The following SLIT3 variants were observed in gnomAD, a reference collection of about 807,000 sequenced individuals.
SLIT3 encodes the protein slit guidance ligand 3.
SLIT3 carries 68 observed loss-of-function variants against 184.0 expected under a neutral mutation model. The ratio of observed to expected loss-of-function variants is 0.37; its 90% CI spans 0.30 to 0.45. The LOEUF (loss-of-function observed/expected upper bound fraction) is 0.45, where lower values mean the gene tolerates loss of function less well. Among genes scored for constraint, SLIT3 ranks in the 20% least tolerant of loss-of-function variants. SLIT3 has a pLI of 1.00. For synonymous variants in SLIT3, 831 were observed against 828.6 expected, an observed-to-expected ratio of 1.00 and a Z score of -0.05; for missense variants, 1,707 against 2,026.0, an observed-to-expected ratio of 0.84 and a Z score of 3.02.
intron 4 of SLIT3, among the ~76,000 whole-genome samples, chr5:168,904,882 T>C (rs561440322): frequency 6.6e-6 from 1 of 152,192 alleles, no homozygotes; most frequent in South Asian, 2.1e-4. Flanking sequence ...GATGGTGATA[T>C]CCGGCTGGGT....
At chr5:168,797,469 T>C (rs561679846) in intron 9 of SLIT3, among the ~76,000 whole-genome samples, 1 of 152,340 alleles carries the variant, frequency 6.6e-6, no homozygotes, top group South Asian at 2.1e-4. Flanking sequence ...TGCAGGCCAA[T>C]GAGCCTATGC....
At chr5:169,111,330 T>A (rs1460377000) in intron 4 of SLIT3, among the ~76,000 whole-genome samples, 1 of 152,258 alleles carries the variant, frequency 6.6e-6, no homozygotes, top group East Asian at 1.9e-4. Context: ...AGCAAGCTTT[T>A]TCTGTAAATG....
At chr5:168,691,242 G>A (rs1215724631) in intron 29 of SLIT3, among the ~76,000 whole-genome samples, 1 of 152,214 alleles carries the variant, frequency 6.6e-6, no homozygotes, top group African/African-American at 2.4e-5. Context: ...GGGCTGGCTG[G>A]AGCAACAACT....
In SLIT3 at chr5:169,027,108, A is replaced by T. The variant is rs138279223; in HGVS notation, c.414-143772T>A. Among the ~76,000 whole-genome samples the T allele has an allele frequency of 4.2e-3, 635 of 152,308 alleles. 6 individuals are homozygous for T. The highest frequency in any genetic ancestry group is 0.015 in the African/African-American group (607 of 41,564). ...AAAAGAAAATTGAGGTGCCCATCCC[A>T]GATTGGTATAATATTGCTCAAGTTG... On this transcript the variant is annotated intron_variant, in intron 4 of 35. Coordinates refer to ENST00000519560, the MANE Select transcript of SLIT3 (RefSeq NM_003062.4).
At chr5:169,235,157 G>A (rs1438929965) in intron 3 of SLIT3, among the ~76,000 whole-genome samples, 1 of 152,020 alleles carries the variant, frequency 6.6e-6, no homozygotes, top group Non-Finnish European at 1.5e-5. Context: ...CCTATTATAA[G>A]TTTGTTAGAA....
chr5:169,074,505 T>G (rs1366231368), intron 4 of SLIT3, among the ~76,000 whole-genome samples: 1 of 152,176 alleles, frequency 6.6e-6, no homozygotes, highest in Non-Finnish European at 1.5e-5. Flanking sequence ...AATTAATAAC[T>G]CATGTATTCC....
chr5:169,228,078 T>C (rs1444016804), intron 3 of SLIT3, among the ~76,000 whole-genome samples: 1 of 152,210 alleles, frequency 6.6e-6, no homozygotes, highest in Non-Finnish European at 1.5e-5. Flanking sequence ...CCCTACTGAA[T>C]CAATTATAAA....
At chr5:168,739,765 T>G (rs1763563139) in intron 20 of SLIT3, among the ~76,000 whole-genome samples, 2 of 152,140 alleles carry the variant, frequency 1.3e-5, no homozygotes, top group South Asian at 2.1e-4. Context: ...TCAAATACAT[T>G]TCTGTGTGAA....
chr5:168,985,826 A>G (rs941482116), intron 4 of SLIT3, among the ~76,000 whole-genome samples: 15 of 151,942 alleles, frequency 9.9e-5, no homozygotes, highest in African/African-American at 3.6e-4. Flanking sequence ...AGAGAAGGAA[A>G]GGAGGGATGA....
chr5:169,161,347 G>C (rs1762471905), intron 4 of SLIT3, among the ~76,000 whole-genome samples: 1 of 152,116 alleles, frequency 6.6e-6, no homozygotes, highest in South Asian at 2.1e-4. Flanking sequence ...GAAACTATTT[G>C]CTCCCCTCCC....
At chr5:168,728,996 A>G (rs778688410) in intron 20 of SLIT3, among the ~76,000 whole-genome samples, 8 of 152,066 alleles carry the variant, frequency 5.3e-5, no homozygotes, top group Non-Finnish European at 1.2e-4. Context: ...GAAATACAAA[A>G]TACATTAGAA....
chr5:168,995,298 G>A (rs1399830782), intron 4 of SLIT3, among the ~76,000 whole-genome samples: 1 of 152,250 alleles, frequency 6.6e-6, no homozygotes. Context: ...AGGGGGTAGT[G>A]TGGAGTAGAA....
chr5:169,155,798 A>G (rs1019961015), intron 4 of SLIT3, among the ~76,000 whole-genome samples: 13 of 152,226 alleles, frequency 8.5e-5, no homozygotes, highest in Non-Finnish European at 1.3e-4. Context: ...GGCCACAGAT[A>G]GTAAGAAAAG....
At chr5:168,836,382 G>A (rs1175962343) in intron 6 of SLIT3, among the ~76,000 whole-genome samples, 1 of 152,282 alleles carries the variant, frequency 6.6e-6, no homozygotes, top group Admixed American at 6.5e-5. Context: ...CTGAGGGGAT[G>A]GTGAAAGGGC....
chr5:169,063,958 T>G (rs1758263792), intron 4 of SLIT3, among the ~76,000 whole-genome samples: 1 of 152,216 alleles, frequency 6.6e-6, no homozygotes, highest in African/African-American at 2.4e-5. Context: ...GAGGACTGCT[T>G]TTAATTTATA....
In SLIT3 at chr5:168,769,225, A is replaced by C. The variant is rs1581060998; in HGVS notation, c.1459+3556T>G. 2.0e-5 allele frequency among the ~76,000 whole-genome samples: 3 copies of C among 152,188 alleles called. No individual in the cohort carries two copies. The South Asian group carries it at 6.2e-4, about 32-fold the overall frequency. On this transcript the variant is annotated intron_variant, in intron 14 of 35. Coordinates refer to ENST00000519560, the MANE Select transcript of SLIT3 (RefSeq NM_003062.4). ...GCCAAAGGCCCAGGTGAGGGTACCC[A>C]GTTTTTATATTCCTCTCTGTGATAG...
chr5:169,230,303 C>T (rs567572130), intron 3 of SLIT3, among the ~76,000 whole-genome samples: 28 of 150,550 alleles, frequency 1.9e-4, no homozygotes, highest in African/African-American at 6.8e-4. Flanking sequence ...AGATTCAAAT[C>T]CAGGTTTATC....
intron 4 of SLIT3, among the ~76,000 whole-genome samples, chr5:168,911,477 C>T (rs1761252615): frequency 6.6e-6 from 1 of 152,176 alleles, no homozygotes; most frequent in Non-Finnish European, 1.5e-5. Flanking sequence ...CAGGGTTTCA[C>T]AGTATCTAAA....
In SLIT3 at chr5:168,673,371, A is replaced by G. The variant is rs1761313039; in HGVS notation, c.3687-40T>C. On this transcript the variant is annotated intron_variant, in intron 32 of 35. Coordinates refer to ENST00000519560, the MANE Select transcript of SLIT3 (RefSeq NM_003062.4). The stretch of plus-strand genomic sequence containing the variant: ...AGGGGAGAAAGCCGGAGAGTTCACT[A>G]AGGGCCTTCCATGGCTGGGCCCTGT... 3.1e-6 allele frequency: 5 copies of G among 1,603,440 alleles called. No homozygotes were observed. The Middle Eastern group carries it at 8.3e-4, about 266-fold the overall frequency.
Sources: gnomAD v4.1 joint callset for allele counts (sites outside exome capture counted in the v4.1 genomes callset) on GRCh38, gnomAD v4.1.1 for gene constraint, MANE v1.5 for transcripts, NCBI Gene and HGNC (gene_info 2026-07-23, HGNC 2026-07-21) for gene names.